The following RBFOX1 variants were observed in gnomAD, a reference collection of about 807,000 sequenced individuals.
The protein encoded by RBFOX1 is RNA binding protein fox-1 homolog 1.
Under a neutral mutation model 57.7 loss-of-function variants are expected in RBFOX1, and 8 were observed. The observed-to-expected ratio is 0.14, with a 90% CI of 0.08 to 0.25. RBFOX1 has a LOEUF of 0.25. Ranked by LOEUF, RBFOX1 falls within the 10% of genes least tolerant of loss-of-function variation. The pLI is 1.00. For missense variants in RBFOX1, 611 were observed against 548.5 expected, an observed-to-expected ratio of 1.11 and a Z score of -1.14; for synonymous variants, 326 against 222.4, an observed-to-expected ratio of 1.47 and a Z score of -4.15.
At chr16:7,434,095 C>A (rs1159860622) in intron 4 of RBFOX1, among the ~76,000 whole-genome samples, 1 of 151,928 alleles carries the variant, frequency 6.6e-6, no homozygotes, top group Admixed American at 6.6e-5. Context: ...GAAGAAAGAT[C>A]AGGGCTGATT....
In RBFOX1 at chr16:6,483,129, C is replaced by T. The variant is rs567422698; in HGVS notation, c.-64+166072C>T. 9 of 1,044,342 alleles carry T rather than the reference C, an allele frequency of 8.6e-6. No homozygotes were observed. The South Asian group carries it at 1.5e-4, about 17-fold the overall frequency. 64.7% of individuals were successfully genotyped at this position (1,044,342 alleles called of 1,614,324 possible). ...ACGCAGCCCCAGTATCCACTGCCTT[C>T]CCCCAGCTGCAAGAGTTTGCAAAAA... On this transcript the variant is annotated intron_variant, in intron 2 of 15. Coordinates refer to ENST00000550418, the MANE Select transcript of RBFOX1 (RefSeq NM_018723.4).
At chr16:6,990,005 C>G (rs1054933369) in intron 3 of RBFOX1, among the ~76,000 whole-genome samples, 6 of 151,994 alleles carry the variant, frequency 3.9e-5, no homozygotes, top group African/African-American at 1.2e-4. Context: ...CTGTTTCACA[C>G]AAAAAACTGA....
At chr16:6,658,912 G>T (rs1454512537) in intron 3 of RBFOX1, among the ~76,000 whole-genome samples, 3 of 111,432 alleles carry the variant, frequency 2.7e-5, no homozygotes, top group Non-Finnish European at 5.5e-5. Flanking sequence ...CAGGTTTTTT[G>T]TTTTTTTGTT....
intron 1 of RBFOX1, among the ~76,000 whole-genome samples, chr16:5,439,738 C>T (rs2068028450): frequency 6.6e-6 from 1 of 152,100 alleles, no homozygotes; most frequent in Admixed American, 6.6e-5. Context: ...AGCCACTGTC[C>T]TGGCCAGGAA....
intron 2 of RBFOX1, among the ~76,000 whole-genome samples, chr16:6,523,811 T>C (rs1011412942): frequency 4.6e-5 from 7 of 152,292 alleles, no homozygotes; most frequent in African/African-American, 1.7e-4. Context: ...ATTTTGAAGG[T>C]ACAGGTAAGA....
chr16:6,832,300 C>T (rs1293957094), intron 3 of RBFOX1, among the ~76,000 whole-genome samples: 4 of 152,096 alleles, frequency 2.6e-5, no homozygotes, highest in African/African-American at 9.7e-5. Flanking sequence ...CATGTCATTA[C>T]CAGAGAGTTG....
intron 1 of RBFOX1, among the ~76,000 whole-genome samples, chr16:6,243,804 G>A (rs925038413): frequency 1.6e-4 from 24 of 152,138 alleles, no homozygotes; most frequent in African/African-American, 3.9e-4. Context: ...ACTTAGAGTC[G>A]TCATGGCTCC....
chr16:7,507,650 G>A (rs896368624), intron 4 of RBFOX1, among the ~76,000 whole-genome samples: 4 of 138,202 alleles, frequency 2.9e-5, no homozygotes, highest in African/African-American at 5.3e-5. Context: ...TGCAAGCTCC[G>A]CCTCCCGGGT....
chr16:5,324,701 C>G (rs1225213496), intron 1 of RBFOX1, among the ~76,000 whole-genome samples: 2 of 152,118 alleles, frequency 1.3e-5, no homozygotes, highest in Non-Finnish European at 2.9e-5. Context: ...CAAACTAACA[C>G]AAGAATAGAA....
intron 3 of RBFOX1, among the ~76,000 whole-genome samples, chr16:5,820,532 T>C (rs1474879554): frequency 6.6e-6 from 1 of 152,146 alleles, no homozygotes; most frequent in Non-Finnish European, 1.5e-5. Flanking sequence ...CCCAGCTTCT[T>C]TTCATCATCA....
At chr16:5,676,912 A>C (rs542359016) in intron 3 of RBFOX1, among the ~76,000 whole-genome samples, 14 of 152,324 alleles carry the variant, frequency 9.2e-5, no homozygotes, top group African/African-American at 3.4e-4. Context: ...ACTATTCAAT[A>C]AATGTTGGTG....
chr16:6,510,293 G>A (rs1023962937), intron 2 of RBFOX1, among the ~76,000 whole-genome samples: 1 of 152,130 alleles, frequency 6.6e-6, no homozygotes, highest in Non-Finnish European at 1.5e-5. Flanking sequence ...CGGCTTTTCA[G>A]TCACCTCAAG....
intron 4 of RBFOX1, among the ~76,000 whole-genome samples, chr16:7,265,748 C>A (rs757972858): frequency 6.6e-6 from 1 of 152,064 alleles, no homozygotes; most frequent in South Asian, 2.1e-4. Flanking sequence ...CATGCCTGGC[C>A]AGGTGTCTTT....
At chr16:7,613,530 A>T (rs768425326) in intron 10 of RBFOX1, among the ~76,000 whole-genome samples, 3 of 152,176 alleles carry the variant, frequency 2.0e-5, no homozygotes, top group Non-Finnish European at 4.4e-5. Flanking sequence ...GTGGATTTGG[A>T]TCTCAGTATG....
At chr16:7,069,774 C>T (rs753140045) in intron 4 of RBFOX1, among the ~76,000 whole-genome samples, 1 of 152,128 alleles carries the variant, frequency 6.6e-6, no homozygotes, top group Non-Finnish European at 1.5e-5. Context: ...CCCAGTTGCC[C>T]ATAGTGGGCA....
chr16:5,450,020 C>A (rs1287613907), intron 1 of RBFOX1, among the ~76,000 whole-genome samples: 1 of 152,192 alleles, frequency 6.6e-6, no homozygotes, highest in African/African-American at 2.4e-5. Context: ...TTGCTGAGAT[C>A]TATTTGCAAG....
rs183554991 is a variant in RBFOX1, at chr16:6,782,742, A to G, written c.-16+128092A>G. Among the ~76,000 whole-genome samples the G allele has an allele frequency of 1.4e-4, 21 of 152,238 alleles. No individual in the cohort carries two copies. The East Asian group carries it at 3.7e-3, about 27-fold the overall frequency. On this transcript the variant is annotated intron_variant, in intron 3 of 15. Transcript: ENST00000550418. Reference sequence around the variant, plus strand: ...ATGTTTTGTAAATGTCTATTGATCAATTTGTTCTGTAGCGCACATTAAGTC... The same window carrying G: ...ATGTTTTGTAAATGTCTATTGATCAGTTTGTTCTGTAGCGCACATTAAGTC...
At chr16:6,353,745 T>G (rs544121432) in intron 2 of RBFOX1, among the ~76,000 whole-genome samples, 2 of 152,272 alleles carry the variant, frequency 1.3e-5, no homozygotes, top group East Asian at 3.9e-4. Flanking sequence ...TCCATAAAAT[T>G]CATGCAAGCG....
intron 3 of RBFOX1, among the ~76,000 whole-genome samples, chr16:5,635,705 C>T (rs1490911687): frequency 5.3e-5 from 8 of 152,262 alleles, no homozygotes; most frequent in East Asian, 3.9e-4. Flanking sequence ...ATTACATATC[C>T]TGGGTGCACC....
Sources: allele counts gnomAD v4.1 joint callset (sites outside exome capture counted in the v4.1 genomes callset), GRCh38; gene constraint gnomAD v4.1.1; transcripts MANE v1.5; gene names NCBI Gene and HGNC (gene_info 2026-07-23, HGNC 2026-07-21).